The following GRM8 variants were observed in gnomAD, a reference collection of about 807,000 sequenced individuals.
GRM8 encodes glutamate metabotropic receptor 8.
GRM8 carries 47 observed loss-of-function variants against 87.2 expected under a neutral mutation model. The ratio of observed to expected loss-of-function variants is 0.54; its 90% CI spans 0.43 to 0.69. The LOEUF (loss-of-function observed/expected upper bound fraction) is 0.69. Ranked by LOEUF, GRM8 falls within the 30% of genes least tolerant of loss-of-function variation. The pLI, the probability that GRM8 is intolerant of heterozygous loss-of-function variation, is 0.00. For synonymous variants in GRM8, 396 were observed against 404.5 expected (o/e 0.98, Z 0.25); for missense variants, 1,019 against 1,139.2 (o/e 0.89, Z 1.52).
intron 3 of GRM8, among the ~76,000 whole-genome samples, chr7:127,040,852 T>TA (rs1818364951): frequency 6.6e-6 from 1 of 152,172 alleles, no homozygotes; most frequent in Non-Finnish European, 1.5e-5. Flanking sequence ...AGCTGTCTAA[T>TA]ATGCTACATG....
At chr7:126,769,714 A>G (rs1355876287) in intron 7 of GRM8, 151 bp downstream of exon 7, 8 of 594,948 alleles carry the variant, frequency 1.3e-5, no homozygotes, top group Admixed American at 5.9e-5. Context: ...TGAGATTCAA[A>G]AGCAGGTGGA....
intron 2 of GRM8, among the ~76,000 whole-genome samples, chr7:127,162,441 G>A (rs1361959): frequency 6.6e-6 from 1 of 152,052 alleles, no homozygotes; most frequent in African/African-American, 2.4e-5. Flanking sequence ...CAGAAAGGAA[G>A]ATCCCAGGCC....
At chr7:127,024,880 C>T (rs774014302) in intron 3 of GRM8, among the ~76,000 whole-genome samples, 3 of 152,212 alleles carry the variant, frequency 2.0e-5, no homozygotes, top group Non-Finnish European at 2.9e-5. Flanking sequence ...ATCCCTCCCA[C>T]TCCACTGCCC....
intron 9 of GRM8, among the ~76,000 whole-genome samples, chr7:126,505,391 C>G (rs1329318867): frequency 6.6e-6 from 1 of 151,952 alleles, no homozygotes; most frequent in Non-Finnish European, 1.5e-5. Context: ...GTGTTTTGCC[C>G]CCATTTACAC....
At chr7:126,598,215 GT>G (rs1562993789) in intron 8 of GRM8, among the ~76,000 whole-genome samples, 1 of 52,910 alleles carries the variant, frequency 1.9e-5, no homozygotes, top group South Asian at 5.4e-4. Flanking sequence ...AATTCTTGTG[GT>G]TTTTTCCTAT....
At chr7:126,677,360 CAAAAA>C (rs35134983) in intron 7 of GRM8, among the ~76,000 whole-genome samples, 1 of 115,850 alleles carries the variant, frequency 8.6e-6, no homozygotes. Flanking sequence ...GGCATCCACC[CAAAAA>C]AAAAAAAAAA....
chr7:126,686,431 G>A (rs1808202623), intron 7 of GRM8, among the ~76,000 whole-genome samples: 1 of 152,144 alleles, frequency 6.6e-6, no homozygotes, highest in African/African-American at 2.4e-5. Context: ...AGGGAGCCCA[G>A]CTCTGGGAGC....
At chr7:127,226,079 T>C (rs1423390848) in intron 2 of GRM8, among the ~76,000 whole-genome samples, 1 of 152,242 alleles carries the variant, frequency 6.6e-6, no homozygotes, top group Non-Finnish European at 1.5e-5. Flanking sequence ...AGCATCTTAA[T>C]ATAATCAGTA....
intron 7 of GRM8, among the ~76,000 whole-genome samples, chr7:126,755,099 T>C (rs1816853303): frequency 6.6e-6 from 1 of 152,008 alleles, no homozygotes; most frequent in Admixed American, 6.6e-5. Flanking sequence ...CGTAAAGGTA[T>C]AAAAAGAAAG....
chr7:126,461,291 T>G (rs1316755119), intron 9 of GRM8, among the ~76,000 whole-genome samples: 1 of 151,598 alleles, frequency 6.6e-6, no homozygotes, highest in African/African-American at 2.4e-5. Context: ...TGAATTTTAT[T>G]GAAAATCACT....
In GRM8 at chr7:126,901,648, G is replaced by A. The variant is rs1802086396; in HGVS notation, c.1156+894C>T. On this transcript the variant is annotated intron_variant, in intron 6 of 10. Coordinates refer to ENST00000339582, the MANE Select transcript of GRM8 (RefSeq NM_000845.3). ...ATTTCCAAAGAAAGTGAGGAGGAGG[G>A]AAAGGAGGACATATCAAAGTCTGGG... Among the ~76,000 whole-genome samples, 7 of 152,250 alleles carry A rather than the reference G, an allele frequency of 4.6e-5. No individual in the cohort carries two copies. In the South Asian group the frequency reaches 1.5e-3, roughly 32 times the overall value.
Position 127,242,633 on chromosome 7 carries a change from G to A in GRM8, c.510+62C>T, listed in dbSNP as rs75419715. ...TCTTCACTTTCTTCTTAAACCTGCA[G>A]TAGGAGTCATAGCATTTCATTGTTC... On this transcript the variant is annotated intron_variant, in intron 2 of 10. Coordinates refer to ENST00000339582, the MANE Select transcript of GRM8 (RefSeq NM_000845.3). 6.1e-5 allele frequency: 89 copies of A among 1,464,088 alleles called. No individual in the cohort carries two copies. In the African/African-American group the frequency reaches 1.0e-3, roughly 17 times the overall value. 90.7% of individuals were successfully genotyped at this position (1,464,088 alleles called of 1,614,324 possible). A position where few individuals can be genotyped will look rare whatever the true frequency, so the allele number is the denominator to read the frequency against.
At chr7:127,135,013 T>A (rs938777893) in intron 2 of GRM8, among the ~76,000 whole-genome samples, 4 of 152,120 alleles carry the variant, frequency 2.6e-5, no homozygotes, top group African/African-American at 9.7e-5. Flanking sequence ...TAACACATCA[T>A]TGCTAAAAAA....
intron 2 of GRM8, among the ~76,000 whole-genome samples, chr7:127,115,747 T>C (rs1341569568): frequency 1.3e-5 from 2 of 152,186 alleles, no homozygotes; most frequent in Non-Finnish European, 2.9e-5. Context: ...AAGTCACTAG[T>C]AGTGTGGGGA....
intron 7 of GRM8, among the ~76,000 whole-genome samples, chr7:126,652,334 C>T (rs752983820): frequency 5.9e-5 from 9 of 151,964 alleles, no homozygotes; most frequent in Admixed American, 1.3e-4. Context: ...ATCTCAGATG[C>T]GTATGGGTTC....
At chr7:127,225,134 G>T (rs565950402) in intron 2 of GRM8, among the ~76,000 whole-genome samples, 7 of 152,342 alleles carry the variant, frequency 4.6e-5, no homozygotes, top group African/African-American at 1.7e-4. Flanking sequence ...GGAGGCATCT[G>T]CCCCTCCTTC....
At chr7:126,908,735 C>T (rs1802962250) in intron 3 of GRM8, among the ~76,000 whole-genome samples, 1 of 152,134 alleles carries the variant, frequency 6.6e-6, no homozygotes, top group Non-Finnish European at 1.5e-5. Context: ...TAGCTTAAAT[C>T]CATTTCACTT....
chr7:126,604,934 T>C (rs1422098704), intron 8 of GRM8, among the ~76,000 whole-genome samples: 1 of 152,230 alleles, frequency 6.6e-6, no homozygotes, highest in Admixed American at 6.5e-5. Flanking sequence ...GACACCCTTG[T>C]GAAGTCACTA....
intron 3 of GRM8, among the ~76,000 whole-genome samples, chr7:126,997,218 A>T (rs1017178477): frequency 6.6e-6 from 1 of 151,988 alleles, no homozygotes; most frequent in Non-Finnish European, 1.5e-5. Flanking sequence ...GAAGAAATAA[A>T]GAAGGAAACT....
Sources: allele counts gnomAD v4.1 joint callset (sites outside exome capture counted in the v4.1 genomes callset), GRCh38; gene constraint gnomAD v4.1.1; transcripts MANE v1.5; gene names NCBI Gene and HGNC (gene_info 2026-07-23, HGNC 2026-07-21).